Variants in WWOX observed in about 807,000 individuals in gnomAD.
WWOX encodes WW domain containing oxidoreductase.
WWOX carries 69 observed loss-of-function variants against 46.2 expected under a neutral mutation model. The ratio of observed to expected loss-of-function variants is 1.49; its 90% CI spans 1.23 to 1.82. The LOEUF is 1.82. WWOX is among the 40% of genes most tolerant of loss of function. WWOX has a pLI of 0.00. For missense variants in WWOX, 919 were observed against 542.6 expected (o/e 1.69, Z -6.89); for synonymous variants, 359 against 202.6 (o/e 1.77, Z -6.56).
At chr16:78,529,967 C>G (rs1465221387) in intron 8 of WWOX, among the ~76,000 whole-genome samples, 2 of 152,176 alleles carry the variant, frequency 1.3e-5, no homozygotes, top group Admixed American at 1.3e-4. Flanking sequence ...TCCCTGACCC[C>G]TTTGCAGGCA....
chr16:78,203,514 G>GT (rs2036296555), intron 5 of WWOX, among the ~76,000 whole-genome samples: 1 of 152,142 alleles, frequency 6.6e-6, no homozygotes, highest in Non-Finnish European at 1.5e-5. Flanking sequence ...TATTCGATAT[G>GT]TTTTTTCTTG....
chr16:78,815,940 T>A (rs1049367023), intron 8 of WWOX, among the ~76,000 whole-genome samples: 1 of 152,170 alleles, frequency 6.6e-6, no homozygotes, highest in Non-Finnish European at 1.5e-5. Flanking sequence ...GGCCCTGCTC[T>A]CTCTCGATGT....
intron 5 of WWOX, among the ~76,000 whole-genome samples, chr16:78,251,124 A>C (rs1306773584): frequency 1.3e-5 from 2 of 152,232 alleles, no homozygotes; most frequent in Non-Finnish European, 2.9e-5. Context: ...CAACCGAGGC[A>C]GCTGAGGATC....
At chr16:78,205,833 C>T (rs934606432) in intron 5 of WWOX, among the ~76,000 whole-genome samples, 1 of 151,602 alleles carries the variant, frequency 6.6e-6, no homozygotes, top group Non-Finnish European at 1.5e-5. Context: ...TCCTACCTTC[C>T]TTCCTTCCTT....
intron 8 of WWOX, among the ~76,000 whole-genome samples, chr16:79,100,403 A>G (rs1285442478): frequency 3.3e-5 from 5 of 152,188 alleles, no homozygotes; most frequent in African/African-American, 7.2e-5. Context: ...GTTTAAGCCA[A>G]TACGAGATGG....
At chr16:78,423,065 T>C (rs994626339) in intron 6 of WWOX, among the ~76,000 whole-genome samples, 5 of 151,840 alleles carry the variant, frequency 3.3e-5, no homozygotes, top group Admixed American at 2.6e-4. Context: ...TTTGTATTTT[T>C]AGTAGAGATG....
intron 8 of WWOX, among the ~76,000 whole-genome samples, chr16:79,070,189 T>C (rs531807151): frequency 7.9e-5 from 12 of 152,242 alleles, no homozygotes; most frequent in African/African-American, 2.9e-4. Context: ...CTAATGTTTA[T>C]AAAACTTGTA....
At chr16:78,994,310 G>A (rs567987039) in intron 8 of WWOX, 2 of 152,204 alleles carry the variant, frequency 1.3e-5, no homozygotes, top group Admixed American at 6.5e-5. Context: ...GGACATAGAC[G>A]TCTGAATATG....
chr16:78,972,550 A>C (rs2046492625), intron 8 of WWOX, among the ~76,000 whole-genome samples: 1 of 151,976 alleles, frequency 6.6e-6, no homozygotes, highest in Admixed American at 6.6e-5. Context: ...GGTGAAGAGT[A>C]GCAAATTTAC....
chr16:78,580,554 A>G (rs9938843), intron 8 of WWOX, among the ~76,000 whole-genome samples: 25,592 of 152,250 alleles, frequency 0.17, 2,284 homozygotes, highest in East Asian at 0.19. Flanking sequence ...CAAGGCCTGA[A>G]CAAAAGACAC....
intron 8 of WWOX, chr16:78,897,345 C>T (rs1300329995): frequency 6.6e-6 from 1 of 151,376 alleles, no homozygotes; most frequent in African/African-American, 2.4e-5. Flanking sequence ...CTTTTATTCC[C>T]AGAAACAAGC....
intron 8 of WWOX, among the ~76,000 whole-genome samples, chr16:78,570,566 T>C (rs1369920782): frequency 6.6e-6 from 1 of 152,078 alleles, no homozygotes; most frequent in Non-Finnish European, 1.5e-5. Context: ...CTCCCGCCTC[T>C]GCCTCTCAAA....
At chr16:78,307,758 G>T (rs1567489877) in intron 5 of WWOX, among the ~76,000 whole-genome samples, 1 of 150,638 alleles carries the variant, frequency 6.6e-6, no homozygotes, top group Non-Finnish European at 1.5e-5. Context: ...CCACATACTG[G>T]ACCCTTAATA....
rs1403883295 is a variant in WWOX, at chr16:78,144,494, C to T, written c.410-19689C>T. ...ATATATATATATATATATACACACA[C>T]ACACACATATATATATATATATATA... is the stretch of plus-strand genomic sequence containing the variant. On this transcript the variant is annotated intron_variant, in intron 4 of 8. Coordinates refer to ENST00000566780, the MANE Select transcript of WWOX (RefSeq NM_016373.4). 2.2e-3 allele frequency among the ~76,000 whole-genome samples: 22 copies of T among 9,880 alleles called. 1 individual carries two copies. The highest frequency in any genetic ancestry group is 4.6e-3 in the African/African-American group (7 of 1,522). 6.5% of individuals were successfully genotyped at this position (9,880 alleles called of 152,430 possible).
chr16:79,081,775 C>G (rs191719403), intron 8 of WWOX, among the ~76,000 whole-genome samples: 1 of 152,252 alleles, frequency 6.6e-6, no homozygotes, highest in East Asian at 1.9e-4. Flanking sequence ...ACGCTGGATG[C>G]TCCTGCCTGG....
chr16:78,384,247 A>T (rs546152532), intron 5 of WWOX, among the ~76,000 whole-genome samples: 13 of 152,108 alleles, frequency 8.5e-5, no homozygotes, highest in Non-Finnish European at 1.8e-4. Flanking sequence ...CTTGTGATAC[A>T]TTCACATTTC....
At chr16:79,022,462 T>G (rs2047553347) in intron 8 of WWOX, among the ~76,000 whole-genome samples, 1 of 152,078 alleles carries the variant, frequency 6.6e-6, no homozygotes, top group Admixed American at 6.6e-5. Context: ...ATTTTGTCTC[T>G]GTGCCCTTTT....
At chr16:79,054,602 C>G (rs948376425) in intron 8 of WWOX, among the ~76,000 whole-genome samples, 1 of 152,042 alleles carries the variant, frequency 6.6e-6, no homozygotes, top group Non-Finnish European at 1.5e-5. Context: ...TGGGAAGATC[C>G]CTTGAGTCCA....
chr16:78,278,713 G>T (rs1184595398), intron 5 of WWOX: 3 of 1,517,922 alleles, frequency 2.0e-6, no homozygotes, highest in South Asian at 1.2e-5. Flanking sequence ...ATCTTCTTTT[G>T]TGGGTATTTC....
Sources: allele counts gnomAD v4.1 joint callset (sites outside exome capture counted in the v4.1 genomes callset), GRCh38; gene constraint gnomAD v4.1.1; transcripts MANE v1.5; gene names NCBI Gene and HGNC (gene_info 2026-07-23, HGNC 2026-07-21).